The following MYO1D variants were observed in gnomAD, a reference collection of about 807,000 sequenced individuals.
MYO1D encodes the protein unconventional myosin-Id.
A neutral mutation model predicts 122.0 loss-of-function variants in MYO1D; 83 were observed. The ratio of observed to expected loss-of-function variants is 0.68; its 90% CI spans 0.57 to 0.82. The LOEUF is 0.82. MYO1D is among the 40% of genes least tolerant of loss of function. The pLI, the probability that MYO1D is intolerant of heterozygous loss-of-function variation, is 0.00. For synonymous variants in MYO1D, 464 were observed against 446.9 expected (o/e 1.04, Z -0.48); for missense variants, 1,157 against 1,269.5 (o/e 0.91, Z 1.35).
intron 15 of MYO1D, 75 bp from the exon 16 acceptor site, chr17:32,712,270 G>T: frequency 7.5e-7 from 1 of 1,331,590 alleles, no homozygotes; most frequent in Non-Finnish European, 1.1e-6. Flanking sequence ...TCAATAAAAT[G>T]CAAGACACCT....
intron 20 of MYO1D, among the ~76,000 whole-genome samples, chr17:32,626,034 G>A (rs751290383): frequency 2.6e-5 from 4 of 152,226 alleles, no homozygotes; most frequent in Admixed American, 1.3e-4. Flanking sequence ...TCTCTTCAGA[G>A]CAAGGTATTA....
At chr17:32,743,681 G>A (rs542798524) in intron 13 of MYO1D, among the ~76,000 whole-genome samples, 15 of 151,566 alleles carry the variant, frequency 9.9e-5, no homozygotes, top group Admixed American at 9.8e-4. Context: ...GCAGTGGCGC[G>A]ATCTCGGCTC....
At chr17:32,767,852 G>A in intron 6 of MYO1D, 100 bp from the exon 7 acceptor site, 1 of 788,722 alleles carries the variant, frequency 1.3e-6, no homozygotes, top group South Asian at 1.7e-5. Context: ...TGCCTTCATA[G>A]TAAATCACTT....
intron 15 of MYO1D, among the ~76,000 whole-genome samples, chr17:32,719,911 G>C (rs1159041389): frequency 1.3e-5 from 2 of 152,128 alleles, no homozygotes; most frequent in African/African-American, 4.8e-5. Context: ...CATCTAAAAT[G>C]CCTCACTTAC....
At chr17:32,695,341 C>T (rs1264394813) in intron 16 of MYO1D, among the ~76,000 whole-genome samples, 1 of 152,244 alleles carries the variant, frequency 6.6e-6, no homozygotes. Flanking sequence ...TGTTTGCTCA[C>T]TTGCCGCCCA....
intron 16 of MYO1D, among the ~76,000 whole-genome samples, chr17:32,680,798 A>G (rs2088903018): frequency 6.6e-6 from 1 of 152,150 alleles, no homozygotes; most frequent in African/African-American, 2.4e-5. Context: ...CTCTTTTTCT[A>G]TTGATTGGAA....
At chr17:32,790,685 C>T (rs1278780012) in intron 1 of MYO1D, among the ~76,000 whole-genome samples, 1 of 152,192 alleles carries the variant, frequency 6.6e-6, no homozygotes, top group African/African-American at 2.4e-5. Flanking sequence ...ACAGACTTTT[C>T]ATTGCTGGAG....
rs538119844 is a variant in MYO1D, at chr17:32,872,724, C to G, written c.95+4054G>C. ...TTTTTTTTTGAGACGGAGTCTCGCT[C>G]TGTCACCCAGGCCGGACTGCGGACT... On this transcript the variant is annotated intron_variant, in intron 1 of 21. Transcript: ENST00000318217. 6.0e-5 allele frequency among the ~76,000 whole-genome samples: 9 copies of G among 149,486 alleles called. No individual in the cohort carries two copies. In the South Asian group the frequency reaches 1.9e-3, roughly 32 times the overall value.
chr17:32,633,266 A>C (rs1054769246), intron 20 of MYO1D, among the ~76,000 whole-genome samples: 1 of 152,104 alleles, frequency 6.6e-6, no homozygotes, highest in Admixed American at 6.5e-5. Context: ...GTAAATGAAA[A>C]GATAACAAAA....
intron 21 of MYO1D, among the ~76,000 whole-genome samples, chr17:32,522,926 C>T (rs1369292950): frequency 3.6e-5 from 5 of 139,798 alleles, no homozygotes; most frequent in African/African-American, 1.7e-4. Flanking sequence ...ACGCCATTCT[C>T]CTGCCTCAGC....
intron 1 of MYO1D, among the ~76,000 whole-genome samples, chr17:32,809,461 CAG>C: frequency 7.3e-6 from 1 of 136,972 alleles, no homozygotes; most frequent in Non-Finnish European, 1.5e-5. Flanking sequence ...TTTTCTGAGA[CAG>C]AGTCTTGCTC....
chr17:32,851,289 C>T (rs550285505), intron 1 of MYO1D, among the ~76,000 whole-genome samples: 101 of 152,330 alleles, frequency 6.6e-4, no homozygotes, highest in Non-Finnish European at 1.1e-3. Context: ...CCACCCTAAT[C>T]CTGACCACCT....
chr17:32,667,181 A>G (rs2088648808), intron 16 of MYO1D, among the ~76,000 whole-genome samples: 1 of 152,244 alleles, frequency 6.6e-6, no homozygotes, highest in African/African-American at 2.4e-5. Context: ...CATCAAATTT[A>G]GAATATGACA....
intron 20 of MYO1D, among the ~76,000 whole-genome samples, chr17:32,606,458 A>G (rs1175568794): frequency 2.0e-5 from 3 of 152,262 alleles, no homozygotes; most frequent in Admixed American, 1.3e-4. Flanking sequence ...AGAAAATATT[A>G]GCAAATTAAA....
chr17:32,813,219 A>C (rs560764214), intron 1 of MYO1D, among the ~76,000 whole-genome samples: 6 of 152,236 alleles, frequency 3.9e-5, no homozygotes, highest in Non-Finnish European at 8.8e-5. Context: ...TTCATCTAAC[A>C]AATATTTTTT....
chr17:32,855,267 C>T, intron 1 of MYO1D, among the ~76,000 whole-genome samples: 1 of 152,128 alleles, frequency 6.6e-6, no homozygotes, highest in East Asian at 1.9e-4. Context: ...GTAACCACTG[C>T]CTGTGCCAAG....
chr17:32,744,602 A>G (rs975634404), intron 13 of MYO1D, among the ~76,000 whole-genome samples: 3 of 152,242 alleles, frequency 2.0e-5, no homozygotes, highest in Admixed American at 1.3e-4. Flanking sequence ...ATGAGTGAAT[A>G]CAGTTCTTTA....
intron 13 of MYO1D, among the ~76,000 whole-genome samples, chr17:32,741,103 C>G (rs930421114): frequency 1.4e-4 from 21 of 151,760 alleles, no homozygotes; most frequent in African/African-American, 4.8e-4. Context: ...TGGTGCATGC[C>G]TGTACCCCCA....
At chr17:32,508,839 AG>A (rs1183698457) in intron 21 of MYO1D, among the ~76,000 whole-genome samples, 2 of 152,252 alleles carry the variant, frequency 1.3e-5, no homozygotes, top group Non-Finnish European at 1.5e-5. Context: ...GCCCCTAAAA[AG>A]CACATCATTA....
Sources: allele counts gnomAD v4.1 joint callset (sites outside exome capture counted in the v4.1 genomes callset), GRCh38; gene constraint gnomAD v4.1.1; transcripts MANE v1.5; gene names NCBI Gene and HGNC (gene_info 2026-07-23, HGNC 2026-07-21).